Variants in VSIG10L observed in about 807,000 individuals in gnomAD.
VSIG10L encodes the protein V-set and immunoglobulin domain containing 10 like, also known as V-set and immunoglobulin domain-containing protein 10-like.
In VSIG10L, 63 loss-of-function variants were observed where a neutral mutation model predicts 67.3. The observed-to-expected ratio is 0.94, with a 90% CI of 0.76 to 1.15. The LOEUF (loss-of-function observed/expected upper bound fraction) is 1.15. Among genes scored for constraint, VSIG10L ranks in the 50% most tolerant of loss-of-function variants. VSIG10L has a pLI of 0.00. For missense variants in VSIG10L, 1,050 were observed against 1,177.5 expected (o/e 0.89, Z 1.58); for synonymous variants, 499 against 524.9 (o/e 0.95, Z 0.67).
At chr19:51,333,991 C>T (rs1157173037) in intron 8 of VSIG10L, 46 bp from the exon 9 acceptor site, 4 of 1,547,696 alleles carry the variant, frequency 2.6e-6, no homozygotes, top group South Asian at 2.4e-5. Context: ...ATTGGCTGCC[C>T]CAACATGCCA....
At chr19:51,332,706 G>T in intron 9 of VSIG10L, 66 bp from the exon 10 acceptor site, 1 of 1,433,628 alleles carries the variant, frequency 7.0e-7, no homozygotes, top group Non-Finnish European at 9.4e-7. Flanking sequence ...TAACTCACCC[G>T]CCTAACTTTT....
At chr19:51,333,761 C>A in intron 9 of VSIG10L, 30 bp downstream of exon 9, 1 of 1,510,292 alleles carries the variant, frequency 6.6e-7, no homozygotes, top group South Asian at 1.3e-5. Flanking sequence ...CGCCCCGATT[C>A]CAGGAGGAAA....
chr19:51,338,162 C>T lies in VSIG10L; in HGVS notation c.1776G>A (p.Arg592=). 4 of 1,523,216 alleles carry T rather than the reference C, an allele frequency of 2.6e-6. No individual in the cohort carries two copies. The highest frequency in any genetic ancestry group is 1.2e-5 in the South Asian group (1 of 81,168). 94.4% of individuals were successfully genotyped at this position (1,523,216 alleles called of 1,614,324 possible). The change falls in exon 6 of 10, where the codon CGG becomes CGA. Residue 592 remains arginine (R), a synonymous_variant. Coordinates refer to ENST00000335624, the MANE Select transcript of VSIG10L (RefSeq NM_001163922.3). ...CCAGTGCCACCTCTGCCTCCCCCAA[C>T]CGTGTCTCTGCCACCAGCGGATGCA... ...VLLHPLVAET[R]LGEAEVALEA...
chr19:51,332,355 C>G lies in VSIG10L; in HGVS notation c.*256G>C, dbSNP rs1462213950. On this transcript the variant is annotated 3_prime_UTR_variant, in exon 10 of 10. Transcript: ENST00000335624. ...GCAGAGGCTTGGAGGTTGTGCAAAC[C>G]ACACAGTTAGATCAGCAAGAGTTTC... 1 of 567,790 alleles carries G rather than the reference C, an allele frequency of 1.8e-6. No homozygotes were observed. The highest frequency in any genetic ancestry group is 3.2e-6 in the Non-Finnish European group (1 of 310,972). 35.2% of individuals were successfully genotyped at this position (567,790 alleles called of 1,614,324 possible).
chr19:51,334,628 G>C (rs970245336), intron 7 of VSIG10L, among the ~76,000 whole-genome samples: 3 of 152,170 alleles, frequency 2.0e-5, no homozygotes, highest in Non-Finnish European at 4.4e-5. Flanking sequence ...ATTGTCCCGA[G>C]AAAGAAAAAG....
At position 51,333,902 on chromosome 19, in the gene VSIG10L, G is replaced by T. The variant is rs752176135; in HGVS notation, c.2463C>A (p.Pro821=). ...TCTTCTTTTCTGAGGGGGTGACCAC[G>T]GGGACCAAGGTAGAAGGATGCTTCT... ...EKKKHPSTLV[P]VVTPSEKKMH... The change falls in exon 9 of 10, where the codon CCC becomes CCA. Residue 821 remains proline (P), a synonymous_variant. Transcript: ENST00000335624. 135 of 1,551,526 alleles carry T rather than the reference G, an allele frequency of 8.7e-5. 1 individual carries two copies. Among genetic ancestry groups the T allele is most frequent in the South Asian group, 3.4e-4 (29 of 84,064 alleles).
rs1029261552 is a variant in VSIG10L, at chr19:51,340,562, G to C, written c.1060C>G (p.Pro354Ala). The C allele has an allele frequency of 1.5e-5, 23 of 1,535,770 alleles. No homozygotes were observed. In the African/African-American group the frequency reaches 2.2e-4, roughly 15 times the overall value. The change falls in exon 3 of 10, where the codon CCC becomes GCC. Residue 354 changes from proline to alanine, a missense_variant. Pro to Ala is a conservative substitution (Grantham distance 27). Transcript: ENST00000335624. This position sits in a 1 kb window ranked among gnomAD's most constrained non-coding sequence, Gnocchi z 6.3. ...EAAESEGAET[P>A]RMRSEGDQLL... Reference sequence around the variant, plus strand: ...TGGTCGCCCTCTGAGCGCATCCGGGGCGTCTCGGCTCCCTCCGATTCCGCC... The same window carrying C: ...TGGTCGCCCTCTGAGCGCATCCGGGCCGTCTCGGCTCCCTCCGATTCCGCC...
At chr19:51,336,804 T>A (rs1205581169) in intron 7 of VSIG10L, among the ~76,000 whole-genome samples, 1 of 139,264 alleles carries the variant, frequency 7.2e-6, no homozygotes, top group Admixed American at 7.6e-5. Flanking sequence ...GTCTGGCTCT[T>A]TCACCCAGGC....
chr19:51,341,755 G>C lies in VSIG10L; in HGVS notation c.293C>G (p.Ser98Cys), dbSNP rs1431421100. The change falls in exon 2 of 10, where the codon TCT becomes TGT. Residue 98 changes from serine (S) to cysteine (C), a missense_variant. Ser to Cys is a moderately radical substitution (Grantham distance 112). Coordinates refer to ENST00000335624, the MANE Select transcript of VSIG10L (RefSeq NM_001163922.3). ...CGGGCTCAAATCTTGGCCCTCAGCAGAAACATTTGACCAGAAGGACCCAGA... is the reference window on the plus strand; with the variant it reads ...CGGGCTCAAATCTTGGCCCTCAGCACAAACATTTGACCAGAAGGACCCAGA... Reference protein sequence around the residue: ...NMSGSFWSNVSAEGQDLSPVS... With the variant: ...NMSGSFWSNVCAEGQDLSPVS... 6.4e-7 allele frequency: 1 copy of C among 1,551,564 alleles called. No homozygotes were observed. The highest frequency in any genetic ancestry group is 1.4e-5 in the African/African-American group (1 of 73,034).
At chr19:51,332,758 C>T (rs988972098) in intron 9 of VSIG10L, 118 bp from the exon 10 acceptor site, 23 of 1,032,864 alleles carry the variant, frequency 2.2e-5, no homozygotes, top group Admixed American at 6.5e-5. Context: ...TCTGGGAACC[C>T]TCCATTTGGA....
At chr19:51,333,302 G>A (rs574142018) in intron 9 of VSIG10L, among the ~76,000 whole-genome samples, 84 of 152,328 alleles carry the variant, frequency 5.5e-4, no homozygotes, top group Non-Finnish European at 9.1e-4. Flanking sequence ...GCCAAGGTGG[G>A]CGGATCACTT....
At position 51,337,233 on chromosome 19, in the gene VSIG10L, C is replaced by A. The variant is rs1287978184; in HGVS notation, c.2305+5G>T. 6.5e-7 allele frequency: 1 copy of A among 1,542,524 alleles called. No individual in the cohort carries two copies. Among genetic ancestry groups the A allele is most frequent in the Non-Finnish European group, 8.8e-7 (1 of 1,141,572 alleles). On this transcript the variant is annotated splice_donor_5th_base_variant and intron_variant, in intron 7 of 9. Transcript: ENST00000335624. ...AGAAGGTCTACTCTGACAGCCCCAACTCACCGGCCCGGTAGACCCGGCTTT... is the reference window on the plus strand; with the variant it reads ...AGAAGGTCTACTCTGACAGCCCCAAATCACCGGCCCGGTAGACCCGGCTTT...
chr19:51,338,114 G>C lies in VSIG10L; in HGVS notation c.1824C>G (p.Pro608=), dbSNP rs1053683700. ...CTTCCCGGGCCCAGGATGCCCGTGA[G>C]GGTGGGGGACAACCAGAGGCCTCCA... The part of the protein sequence containing the change: ...VALEASGCPP[P]SRASWAREGR... Residue 608 remains proline, a synonymous_variant, in exon 6 of 10, where the codon CCC becomes CCG. Transcript: ENST00000335624. 2 of 1,550,064 alleles carry C rather than the reference G, an allele frequency of 1.3e-6. No homozygotes were observed.
chr19:51,333,947 T>C lies in VSIG10L; in HGVS notation c.2420-2A>G, dbSNP rs1441781070. 2.6e-6 allele frequency: 4 copies of C among 1,551,214 alleles called. No homozygotes were observed. The highest frequency in any genetic ancestry group is 2.0e-5 in the Admixed American group (1 of 50,902). ...GCTTCTTTTTCTCAGGAGTCTTTCC[T>C]GATTGAGAGGCAGAAGAGAAGCAGG... On this transcript the variant is annotated splice_acceptor_variant, in intron 8 of 9. Transcript: ENST00000335624. LOFTEE classifies it high-confidence loss of function.
rs534783396 is a variant in VSIG10L at position 51,341,566 on chromosome 19, G to A, written c.482C>T (p.Ser161Leu). The A allele has an allele frequency of 6.4e-7, 1 of 1,551,732 alleles. No homozygotes were observed. Among genetic ancestry groups the A allele is most frequent in the Non-Finnish European group, 8.7e-7 (1 of 1,147,012 alleles). ...ATCCATATCATCCGGGGAGAATTTT[G>A]AATCTGGGGCCTCAACAGACAGTTT... ...HTKLSVEAPD[S>L]KFSPDDMDLK... The change falls in exon 2 of 10, where the codon TCA becomes TTA. Residue 161 changes from serine to leucine, a missense_variant. Transcript: ENST00000335624.
rs572477531 is a variant in VSIG10L, at chr19:51,338,761, G to A, written c.1729+127C>T. 7 of 1,123,844 alleles carry A rather than the reference G, an allele frequency of 6.2e-6. No individual in the cohort carries two copies. The South Asian group carries it at 1.8e-4, about 29-fold the overall frequency. 69.6% of individuals were successfully genotyped at this position (1,123,844 alleles called of 1,614,324 possible). On this transcript the variant is annotated intron_variant, in intron 5 of 9. Coordinates refer to ENST00000335624, the MANE Select transcript of VSIG10L (RefSeq NM_001163922.3). ...ATCTTTGTCCCTTTTCTAGTTTGAA[G>A]ACAGTGAAGTCCTGCCTCTTTCTTG...
In VSIG10L at chr19:51,333,923, C is replaced by T. The variant is rs966057783; in HGVS notation, c.2442G>A (p.Lys814=). The T allele has an allele frequency of 5.8e-6, 9 of 1,551,400 alleles. No individual in the cohort carries two copies. The highest frequency in any genetic ancestry group is 7.8e-6 in the Non-Finnish European group (9 of 1,146,972). Residue 814 remains lysine (K), a synonymous_variant, in exon 9 of 10, where the codon AAG becomes AAA. Transcript: ENST00000335624. ...RFRGKTPEKK[K]HPSTLVPVVT... Reference sequence around the variant, plus strand: ...CCACGGGGACCAAGGTAGAAGGATGCTTCTTTTTCTCAGGAGTCTTTCCTG... The same window carrying T: ...CCACGGGGACCAAGGTAGAAGGATGTTTCTTTTTCTCAGGAGTCTTTCCTG...
In VSIG10L at chr19:51,338,969, C is replaced by T; in HGVS notation, c.1648G>A (p.Ala550Thr). The T allele has an allele frequency of 1.4e-6, 2 of 1,421,154 alleles. No individual in the cohort carries two copies. Among genetic ancestry groups the T allele is most frequent in the Non-Finnish European group, 9.2e-7 (1 of 1,081,516 alleles). 88.0% of individuals were successfully genotyped at this position (1,421,154 alleles called of 1,614,324 possible). A position where few individuals can be genotyped will look rare whatever the true frequency, so the allele number is the denominator to read the frequency against. The change falls in exon 5 of 10, where the codon GCC (alanine) becomes ACC (threonine). Residue 550 changes from alanine (A) to threonine (T), a missense_variant. Ala to Thr is a moderately conservative substitution (Grantham distance 58, BLOSUM62 0). Coordinates refer to ENST00000335624, the MANE Select transcript of VSIG10L (RefSeq NM_001163922.3). The stretch of plus-strand genomic sequence containing the variant: ...GGGACGCCGCTGAGCCGGGGGTGGG[C>T]GGGGACGGCCGCCAGCAGCACAGAG... ...VSSVLLAAVP[A>T]HPRLSGVPIT... is the part of the protein sequence containing the mutation.
Position 51,332,395 on chromosome 19 carries a change from A to G in VSIG10L, c.*216T>C, listed in dbSNP as rs964701071. 15 of 648,596 alleles carry G rather than the reference A, an allele frequency of 2.3e-5. No individual in the cohort carries two copies. Among genetic ancestry groups the G allele is most frequent in the Non-Finnish European group, 3.9e-5 (14 of 360,014 alleles). The allele number at this position is 648,596 out of a possible 1,614,324, so 40.2% of individuals were successfully genotyped here. A position where few individuals can be genotyped will look rare whatever the true frequency, so the allele number is the denominator to read the frequency against. ...GCAAGAGTTTCCCAGCCAAGAAGTC[A>G]CATCTCCTTACTTGCACAAATACAG... On this transcript the variant is annotated 3_prime_UTR_variant, in exon 10 of 10. Transcript: ENST00000335624.
Sources: gnomAD v4.1 joint callset for allele counts (sites outside exome capture counted in the v4.1 genomes callset) on GRCh38, gnomAD v4.1.1 for gene constraint, Gnocchi (gnomAD v3.1) non-coding constraint, MANE v1.5 for transcripts, NCBI Gene and HGNC (gene_info 2026-07-23, HGNC 2026-07-21) for gene names.